Variants in RORA observed in about 807,000 individuals in gnomAD.
The protein encoded by RORA is nuclear receptor ROR-alpha.
In RORA, 7 loss-of-function variants were observed where a neutral mutation model predicts 69.5. That is an observed-to-expected ratio of 0.10 (90% CI 0.06 to 0.19). The LOEUF is 0.19. Among genes scored for constraint, RORA ranks in the 10% least tolerant of loss-of-function variants. The probability of loss-of-function intolerance (pLI) is 1.00; values close to 1 mark genes in which losing one functional copy is unlikely to be tolerated. For missense variants in RORA, 457 were observed against 663.0 expected, an observed-to-expected ratio of 0.69 and a Z score of 3.41; for synonymous variants, 261 against 240.8, an observed-to-expected ratio of 1.08 and a Z score of -0.78.
intron 1 of RORA, among the ~76,000 whole-genome samples, chr15:61,022,278 C>T (rs1478024034): frequency 1.3e-5 from 2 of 152,122 alleles, no homozygotes; most frequent in Non-Finnish European, 2.9e-5. Flanking sequence ...AAATGCTTGA[C>T]AAAGAAAGAC....
chr15:61,146,290 G>A (rs1200520858), intron 1 of RORA, among the ~76,000 whole-genome samples: 3 of 150,390 alleles, frequency 2.0e-5, no homozygotes, highest in East Asian at 1.9e-4. Context: ...TCTCACTGCC[G>A]ACCATCTGTT....
At chr15:60,975,714 G>A (rs1213828094) in intron 1 of RORA, among the ~76,000 whole-genome samples, 2 of 152,194 alleles carry the variant, frequency 1.3e-5, no homozygotes, top group Non-Finnish European at 2.9e-5. Context: ...AGGATGAAGA[G>A]TGAATGAATG....
In RORA at chr15:60,948,053, T is replaced by G. The variant is rs139324131; in HGVS notation, c.167-269367A>C. ...CCATTGTTTTTTGGCAGCTGCAGCT[T>G]CTGAAGATGTTACTGAGAGCCACAG... On this transcript the variant is annotated intron_variant, in intron 1 of 10. Coordinates refer to ENST00000335670, the MANE Select transcript of RORA (RefSeq NM_134261.3). 1.6e-4 allele frequency among the ~76,000 whole-genome samples: 25 copies of G among 152,314 alleles called. No individual in the cohort carries two copies. In the East Asian group the frequency reaches 3.9e-3, roughly 23 times the overall value.
At position 61,200,771 on chromosome 15, in the gene RORA, T is replaced by G. The variant is rs368611890; in HGVS notation, c.166+28282A>C. 4.4e-4 allele frequency among the ~76,000 whole-genome samples: 67 copies of G among 152,312 alleles called. 4 individuals are homozygous for G. The East Asian group carries it at 6.8e-3, about 15-fold the overall frequency. On this transcript the variant is annotated intron_variant, in intron 1 of 10. Coordinates refer to ENST00000335670, the MANE Select transcript of RORA (RefSeq NM_134261.3). ...GCACTTAATTGAGTGAAAAAAGCTG[T>G]CAGTCTAATGCCCCAATCCCAAGGT...
intron 1 of RORA, among the ~76,000 whole-genome samples, chr15:61,190,479 G>A (rs2079787319): frequency 6.6e-6 from 1 of 152,222 alleles, no homozygotes; most frequent in Non-Finnish European, 1.5e-5. Context: ...AAAGGACGCT[G>A]GGCATGGTGG....
rs1224764385 is a variant in RORA at position 60,832,050 on chromosome 15, C to CA, written c.167-153365dup. Among the ~76,000 whole-genome samples the CA allele has an allele frequency of 7.2e-5, 11 of 152,256 alleles. No individual in the cohort carries two copies. The East Asian group carries it at 7.7e-4, about 11-fold the overall frequency. On this transcript the variant is annotated intron_variant, in intron 1 of 10. Coordinates refer to ENST00000335670, the MANE Select transcript of RORA (RefSeq NM_134261.3). Reference sequence around the variant, plus strand: ...GCCTGCTAACTCTTCTCTCGACCAACAAAAAAATTTGTATGTTATCGCAAA... The same window carrying CA: ...GCCTGCTAACTCTTCTCTCGACCAACAAAAAAAATTTGTATGTTATCGCAAA...
chr15:61,024,100 A>G (rs757044919), intron 1 of RORA, among the ~76,000 whole-genome samples: 5 of 151,998 alleles, frequency 3.3e-5, no homozygotes, highest in South Asian at 4.2e-4. Flanking sequence ...TATGCACAAC[A>G]CCAAGAGAGA....
At chr15:60,669,667 A>G (rs1394954222) in intron 2 of RORA, among the ~76,000 whole-genome samples, 1 of 152,148 alleles carries the variant, frequency 6.6e-6, no homozygotes, top group Non-Finnish European at 1.5e-5. Flanking sequence ...ATCATCCCTG[A>G]TCACACCTAA....
intron 1 of RORA, among the ~76,000 whole-genome samples, chr15:60,897,767 C>A (rs758320497): frequency 6.6e-6 from 1 of 152,218 alleles, no homozygotes; most frequent in African/African-American, 2.4e-5. Context: ...GGAACATGTG[C>A]AGTGTGAAAA....
intron 1 of RORA, among the ~76,000 whole-genome samples, chr15:61,175,423 G>C (rs1424175759): frequency 1.3e-5 from 2 of 151,652 alleles, no homozygotes; most frequent in African/African-American, 4.8e-5. Flanking sequence ...TTTAAAGATA[G>C]GGGCCAGGCA....
At chr15:60,988,302 GGTA>G (rs1371136741) in intron 1 of RORA, among the ~76,000 whole-genome samples, 2 of 152,138 alleles carry the variant, frequency 1.3e-5, no homozygotes, top group African/African-American at 4.8e-5. Context: ...TTCCCTTTGG[GGTA>G]GAAAGTCAGA....
chr15:60,675,002 T>C (rs183942801), intron 2 of RORA, among the ~76,000 whole-genome samples: 1 of 152,294 alleles, frequency 6.6e-6, no homozygotes, highest in East Asian at 1.9e-4. Flanking sequence ...GTCTGTGTTG[T>C]GGTGGCTGTC....
chr15:61,060,862 CT>C (rs1296771768), intron 1 of RORA, among the ~76,000 whole-genome samples: 1 of 152,130 alleles, frequency 6.6e-6, no homozygotes, highest in Non-Finnish European at 1.5e-5. Context: ...ACAAAAATAC[CT>C]GATAATGTTT....
intron 1 of RORA, among the ~76,000 whole-genome samples, chr15:61,124,894 T>G (rs1049048011): frequency 2.6e-5 from 4 of 152,202 alleles, no homozygotes; most frequent in African/African-American, 9.7e-5. Flanking sequence ...TTTATTCCAT[T>G]ATAATCTTTG....
intron 1 of RORA, among the ~76,000 whole-genome samples, chr15:60,762,370 C>T (rs1026811286): frequency 3.3e-5 from 5 of 152,116 alleles, no homozygotes; most frequent in Non-Finnish European, 5.9e-5. Flanking sequence ...CAGCCAGACA[C>T]GAAGGTTATG....
chr15:60,739,068 C>T (rs1051799008), intron 1 of RORA, among the ~76,000 whole-genome samples: 1 of 152,186 alleles, frequency 6.6e-6, no homozygotes, highest in Non-Finnish European at 1.5e-5. Context: ...AATAAGGTCA[C>T]ATTCCAAGGT....
chr15:60,517,889 T>C (rs1232321590), intron 3 of RORA, among the ~76,000 whole-genome samples: 1 of 152,220 alleles, frequency 6.6e-6, no homozygotes, highest in Non-Finnish European at 1.5e-5. Flanking sequence ...TAAGTGGAGC[T>C]AGTACTTGAG....
intron 1 of RORA, among the ~76,000 whole-genome samples, chr15:61,015,034 C>A (rs1164064062): frequency 6.6e-6 from 1 of 152,200 alleles, no homozygotes; most frequent in Non-Finnish European, 1.5e-5. Flanking sequence ...CCGGATCTCT[C>A]CTATAGCCCG....
intron 2 of RORA, among the ~76,000 whole-genome samples, chr15:60,579,788 T>TATAATTTTCAATTATAATAACTTTCA (rs879507779): frequency 4.5e-4 from 68 of 152,326 alleles, no homozygotes; most frequent in Admixed American, 9.8e-4. Flanking sequence ...GAGGCCTTAT[T>TATAATTTTCAATTATAATAACTTTCA]ATAATTTTCA....
Sources: gnomAD v4.1 joint callset for allele counts (sites outside exome capture counted in the v4.1 genomes callset) on GRCh38, gnomAD v4.1.1 for gene constraint, MANE v1.5 for transcripts, NCBI Gene and HGNC (gene_info 2026-07-23, HGNC 2026-07-21) for gene names.